Variants in LRRIQ3 observed in about 807,000 individuals in gnomAD.
The protein encoded by LRRIQ3 is leucine rich repeats and IQ motif containing 3.
In LRRIQ3, 75 loss-of-function variants were observed where a neutral mutation model predicts 59.3. The observed-to-expected ratio is 1.26, with a 90% confidence interval of 1.05 to 1.53. LRRIQ3 has a LOEUF of 1.53. Among genes scored for constraint, LRRIQ3 ranks in the 40% most tolerant of loss-of-function variants. The probability of loss-of-function intolerance (pLI) is 0.00; values close to 1 mark genes in which losing one functional copy is unlikely to be tolerated. For missense variants in LRRIQ3, 831 were observed against 710.0 expected (o/e 1.17, Z -1.94); for synonymous variants, 250 against 231.3 (o/e 1.08, Z -0.73).
At chr1:74,048,322 G>A (rs1210043265) in intron 6 of LRRIQ3, among the ~76,000 whole-genome samples, 1 of 152,114 alleles carries the variant, frequency 6.6e-6, no homozygotes, top group Non-Finnish European at 1.5e-5. Context: ...ATTGATCCTA[G>A]CATGTCAATA....
At chr1:74,125,794 G>T (rs1313014048) in intron 4 of LRRIQ3, among the ~76,000 whole-genome samples, 1 of 151,786 alleles carries the variant, frequency 6.6e-6, no homozygotes, top group Admixed American at 6.6e-5. Context: ...GTTTATCAGG[G>T]ATTCTGGAAT....
intron 5 of LRRIQ3, among the ~76,000 whole-genome samples, chr1:74,077,854 T>C (rs914192412): frequency 6.6e-6 from 1 of 151,964 alleles, no homozygotes; most frequent in Non-Finnish European, 1.5e-5. Flanking sequence ...CACTTACTGA[T>C]AGATCTTTGA....
chr1:74,115,180 C>A (rs1646761972), intron 4 of LRRIQ3, among the ~76,000 whole-genome samples: 1 of 152,036 alleles, frequency 6.6e-6, no homozygotes, highest in Admixed American at 6.6e-5. Context: ...ATTGCTCAAT[C>A]ATTCATTCAT....
chr1:74,113,651 G>T (rs1646735142), intron 4 of LRRIQ3, among the ~76,000 whole-genome samples: 1 of 151,934 alleles, frequency 6.6e-6, no homozygotes, highest in Non-Finnish European at 1.5e-5. Context: ...AAAGAAGAAA[G>T]AAATTCAATT....
At chr1:74,071,042 CACACAT>C (rs1655012561) in intron 6 of LRRIQ3, among the ~76,000 whole-genome samples, 5 of 150,452 alleles carry the variant, frequency 3.3e-5, no homozygotes, top group South Asian at 2.1e-4. Context: ...TACACACACA[CACACAT>C]ACACACACAT....
At chr1:74,080,639 A>G (rs568155174) in intron 5 of LRRIQ3, among the ~76,000 whole-genome samples, 1 of 151,792 alleles carries the variant, frequency 6.6e-6, no homozygotes, top group South Asian at 2.1e-4. Context: ...TTTTGTTTTC[A>G]CATTCTGAAT....
At chr1:74,131,232 A>C (rs969387732) in intron 4 of LRRIQ3, among the ~76,000 whole-genome samples, 1 of 152,152 alleles carries the variant, frequency 6.6e-6, no homozygotes, top group African/African-American at 2.4e-5. Context: ...GGTAATAATT[A>C]ATAGCCTACA....
intron 4 of LRRIQ3, among the ~76,000 whole-genome samples, chr1:74,121,914 C>A (rs1646863252): frequency 6.6e-6 from 1 of 151,904 alleles, no homozygotes; most frequent in African/African-American, 2.4e-5. Context: ...GACATGAACT[C>A]ATCATTTTTT....
In LRRIQ3 at chr1:74,072,500, T is replaced by C. The variant is rs559871416; in HGVS notation, c.997+2161A>G. On this transcript the variant is annotated intron_variant, in intron 6 of 7. Transcript: ENST00000354431. ...AAATGCTTTTGTGCTCATATATATA[T>C]ATATATTTTTTAATTGAGAGATTAA... is the stretch of plus-strand genomic sequence containing the variant. 2.6e-5 allele frequency among the ~76,000 whole-genome samples: 4 copies of C among 152,008 alleles called. No homozygotes were observed. The East Asian group carries it at 7.7e-4, about 29-fold the overall frequency.
intron 4 of LRRIQ3, among the ~76,000 whole-genome samples, chr1:74,116,948 A>G (rs1646785156): frequency 1.3e-5 from 2 of 152,126 alleles, no homozygotes; most frequent in African/African-American, 4.8e-5. Flanking sequence ...CTTAGTCTTC[A>G]GCTCTATTTG....
chr1:74,106,260 A>G (rs1306312108), intron 5 of LRRIQ3, among the ~76,000 whole-genome samples: 1 of 150,220 alleles, frequency 6.7e-6, no homozygotes, highest in Non-Finnish European at 1.5e-5. Context: ...TGAAGCAGTA[A>G]AAGTTTCTGG....
At chr1:74,055,940 C>G (rs577249611) in intron 6 of LRRIQ3, among the ~76,000 whole-genome samples, 1 of 152,064 alleles carries the variant, frequency 6.6e-6, no homozygotes, top group South Asian at 2.1e-4. Flanking sequence ...GTCAGGTGAT[C>G]AAGATCATCC....
chr1:74,124,010 A>T (rs1646899608), intron 4 of LRRIQ3, among the ~76,000 whole-genome samples: 1 of 151,926 alleles, frequency 6.6e-6, no homozygotes. Flanking sequence ...AGATGTCTCT[A>T]TATCTGTGCC....
intron 6 of LRRIQ3, among the ~76,000 whole-genome samples, chr1:74,055,168 T>C (rs1293127798): frequency 1.6e-5 from 2 of 124,848 alleles, no homozygotes; most frequent in African/African-American, 3.0e-5. Context: ...CACACATACA[T>C]ACATATACAC....
intron 5 of LRRIQ3, among the ~76,000 whole-genome samples, chr1:74,095,292 T>A (rs1400409396): frequency 6.6e-6 from 1 of 152,110 alleles, no homozygotes; most frequent in Non-Finnish European, 1.5e-5. Flanking sequence ...GCACTGTCTA[T>A]CTCTTGATTT....
At chr1:74,119,364 C>T (rs1290815027) in intron 4 of LRRIQ3, among the ~76,000 whole-genome samples, 1 of 151,966 alleles carries the variant, frequency 6.6e-6, no homozygotes, top group Non-Finnish European at 1.5e-5. Context: ...TGTCTATTCA[C>T]ATCCTTTGTC....
At chr1:74,067,168 A>G (rs1000760205) in intron 6 of LRRIQ3, among the ~76,000 whole-genome samples, 3 of 152,160 alleles carry the variant, frequency 2.0e-5, no homozygotes, top group Non-Finnish European at 2.9e-5. Flanking sequence ...CGTGTGCAGT[A>G]TCTCTCAATC....
chr1:74,121,959 A>C (rs1027945560), intron 4 of LRRIQ3, among the ~76,000 whole-genome samples: 1 of 152,012 alleles, frequency 6.6e-6, no homozygotes, highest in Non-Finnish European at 1.5e-5. Flanking sequence ...TATATGTGTC[A>C]CGGTTTCTTA....
At chr1:74,188,386 T>C (rs1650546327) in intron 1 of LRRIQ3, among the ~76,000 whole-genome samples, 1 of 152,092 alleles carries the variant, frequency 6.6e-6, no homozygotes, top group African/African-American at 2.4e-5. Context: ...TACCTATGTA[T>C]CAAACCTGTA....
Sources: gnomAD v4.1 joint callset for allele counts (sites outside exome capture counted in the v4.1 genomes callset) on GRCh38, gnomAD v4.1.1 for gene constraint, MANE v1.5 for transcripts, NCBI Gene and HGNC (gene_info 2026-07-23, HGNC 2026-07-21) for gene names.